The following NALCN variants were observed in gnomAD, a reference collection of about 807,000 sequenced individuals.
NALCN encodes sodium leak channel, non-selective.
In NALCN, 111 loss-of-function variants were observed where a neutral mutation model predicts 225.3. The ratio of observed to expected loss-of-function variants is 0.49; its 90% CI spans 0.42 to 0.58. The LOEUF (loss-of-function observed/expected upper bound fraction) is 0.58. Ranked by LOEUF, NALCN falls within the 20% of genes least tolerant of loss-of-function variation. The pLI, the probability that NALCN is intolerant of heterozygous loss-of-function variation, is 0.00. For synonymous variants in NALCN, 764 were observed against 769.0 expected (o/e 0.99, Z 0.11); for missense variants, 1,378 against 2,202.4 (o/e 0.63, Z 7.49).
intron 20 of NALCN, among the ~76,000 whole-genome samples, chr13:101,109,122 G>A (rs1167471830): frequency 6.6e-6 from 1 of 152,182 alleles, no homozygotes; most frequent in Non-Finnish European, 1.5e-5. Context: ...CATTTCGGTT[G>A]AAACATATTG....
intron 1 of NALCN, among the ~76,000 whole-genome samples, chr13:101,402,272 T>C (rs10508065): frequency 0.015 from 2,225 of 152,260 alleles, 86 homozygotes; most frequent in East Asian, 0.11. Context: ...ATTTAAATAG[T>C]TCAATATCGG....
chr13:101,334,979 T>C (rs983391566), intron 7 of NALCN, among the ~76,000 whole-genome samples: 9 of 152,326 alleles, frequency 5.9e-5, no homozygotes, highest in African/African-American at 1.9e-4. Context: ...ATTTGAAGTA[T>C]TACTTTTTTA....
intron 6 of NALCN, among the ~76,000 whole-genome samples, chr13:101,362,430 G>A (rs935260984): frequency 4.6e-5 from 7 of 151,976 alleles, no homozygotes; most frequent in African/African-American, 1.7e-4. Flanking sequence ...TGAAAGGATG[G>A]CTTAACATAT....
chr13:101,165,857 C>A (rs2038412511), intron 15 of NALCN, among the ~76,000 whole-genome samples: 1 of 152,218 alleles, frequency 6.6e-6, no homozygotes, highest in South Asian at 2.1e-4. Flanking sequence ...AGAACTTTTT[C>A]ATCTTTCAAA....
chr13:101,101,023 TCTC>T, intron 26 of NALCN, 135 bp from the exon 27 acceptor site: 2 of 633,978 alleles, frequency 3.2e-6, no homozygotes, highest in Non-Finnish European at 5.1e-6. Flanking sequence ...TATTTTAACT[TCTC>T]CACCATAGGT....
At chr13:101,084,465 AC>A (rs2033831123) in intron 30 of NALCN, among the ~76,000 whole-genome samples, 4 of 152,096 alleles carry the variant, frequency 2.6e-5, no homozygotes, top group Non-Finnish European at 4.4e-5. Context: ...CCCTTTCCTT[AC>A]CCAGAGCTAA....
intron 40 of NALCN, among the ~76,000 whole-genome samples, chr13:101,062,508 T>TTAA (rs2032034400): frequency 1.3e-5 from 2 of 152,252 alleles, no homozygotes; most frequent in Non-Finnish European, 2.9e-5. Context: ...GAGGTGATGG[T>TTAA]TAATATGCTC....
chr13:101,177,470 G>A (rs905678492), intron 14 of NALCN, among the ~76,000 whole-genome samples: 1 of 146,724 alleles, frequency 6.8e-6, no homozygotes, highest in Non-Finnish European at 1.5e-5. Context: ...GAGTAATAGA[G>A]AAAATGCTTG....
intron 1 of NALCN, among the ~76,000 whole-genome samples, chr13:101,407,521 A>T (rs916951773): frequency 2.0e-5 from 3 of 152,252 alleles, no homozygotes; most frequent in Admixed American, 6.5e-5. Flanking sequence ...AAGCTTAGAC[A>T]TTATGTACTC....
chr13:101,160,580 T>C (rs1322948787), intron 15 of NALCN, among the ~76,000 whole-genome samples: 3 of 152,188 alleles, frequency 2.0e-5, no homozygotes, highest in African/African-American at 7.2e-5. Context: ...TGGCATGCAA[T>C]AGATAAACAT....
In NALCN at chr13:101,073,684, T is replaced by G; in HGVS notation, c.4104-7A>C. On this transcript the variant is annotated splice_polypyrimidine_tract_variant and splice_region_variant and intron_variant, in intron 36 of 43. Coordinates refer to ENST00000251127, the MANE Select transcript of NALCN (RefSeq NM_052867.4). ...CGAAGAAAAATTTGCATGCCTAATTTAAGAAAAAAAAATTAACAGAATGTG... is the reference window on the plus strand; with the variant it reads ...CGAAGAAAAATTTGCATGCCTAATTGAAGAAAAAAAAATTAACAGAATGTG... 6.2e-7 allele frequency: 1 copy of G among 1,607,700 alleles called. No individual in the cohort carries two copies. Among genetic ancestry groups the G allele is most frequent in the Non-Finnish European group, 8.5e-7 (1 of 1,176,846 alleles).
At chr13:101,309,507 T>C (rs1390013420) in intron 7 of NALCN, among the ~76,000 whole-genome samples, 1 of 152,188 alleles carries the variant, frequency 6.6e-6, no homozygotes, top group East Asian at 1.9e-4. Flanking sequence ...AGCATGCTCA[T>C]TGGCCACTTC....
rs1200809356 is a variant in NALCN at position 101,124,834 on chromosome 13, T to C, written c.2119-153A>G. 2.6e-5 allele frequency among the ~76,000 whole-genome samples: 4 copies of C among 152,356 alleles called. No homozygotes were observed. The East Asian group carries it at 5.8e-4, about 22-fold the overall frequency. On this transcript the variant is annotated intron_variant, in intron 17 of 43. Coordinates refer to ENST00000251127, the MANE Select transcript of NALCN (RefSeq NM_052867.4). ...ATTGACAATTCTTGTCTATTTTTAC[T>C]TTTATTTGGGCAGCACCATGAACAA...
At chr13:101,312,446 T>C (rs1309014344) in intron 7 of NALCN, among the ~76,000 whole-genome samples, 2 of 151,902 alleles carry the variant, frequency 1.3e-5, no homozygotes, top group Non-Finnish European at 2.9e-5. Context: ...CTTTTAATTG[T>C]GATGTTAGGG....
intron 3 of NALCN, among the ~76,000 whole-genome samples, chr13:101,380,076 T>C (rs2046806770): frequency 8.3e-6 from 1 of 120,768 alleles, no homozygotes; most frequent in Non-Finnish European, 1.9e-5. Flanking sequence ...TGTGGATGTA[T>C]ATATACACAT....
At chr13:101,083,344 A>G (rs1001955813) in intron 31 of NALCN, 146 bp from the exon 32 acceptor site, 1 of 681,262 alleles carries the variant, frequency 1.5e-6, no homozygotes, top group Admixed American at 2.8e-5. Flanking sequence ...TTTTGCAGCA[A>G]TGGCTGGCTC....
chr13:101,205,845 T>C (rs2040292316), intron 13 of NALCN, among the ~76,000 whole-genome samples: 1 of 152,084 alleles, frequency 6.6e-6, no homozygotes, highest in Non-Finnish European at 1.5e-5. Flanking sequence ...AAAACAGTGC[T>C]TCGAAAAACA....
At chr13:101,314,743 C>T (rs1296358557) in intron 7 of NALCN, among the ~76,000 whole-genome samples, 1 of 152,216 alleles carries the variant, frequency 6.6e-6, no homozygotes, top group African/African-American at 2.4e-5. Flanking sequence ...GATCCTCCCA[C>T]TAATAAGGCT....
intron 10 of NALCN, among the ~76,000 whole-genome samples, chr13:101,280,017 T>C (rs1566524673): frequency 6.6e-6 from 1 of 152,144 alleles, no homozygotes; most frequent in Non-Finnish European, 1.5e-5. Context: ...AGCCATCAAG[T>C]ATTTCAGGAC....
Sources: gnomAD v4.1 joint callset for allele counts (sites outside exome capture counted in the v4.1 genomes callset) on GRCh38, gnomAD v4.1.1 for gene constraint, MANE v1.5 for transcripts, NCBI Gene and HGNC (gene_info 2026-07-23, HGNC 2026-07-21) for gene names.